Variants in NGEF observed in about 807,000 individuals in gnomAD.
NGEF encodes the protein neuronal guanine nucleotide exchange factor.
NGEF carries 31 observed loss-of-function variants against 80.9 expected under a neutral mutation model. The ratio of observed to expected loss-of-function variants is 0.38; its 90% confidence interval spans 0.29 to 0.52. The LOEUF (loss-of-function observed/expected upper bound fraction) is 0.52, where lower values mean the gene tolerates loss of function less well. NGEF is among the 20% of genes least tolerant of loss of function. The pLI, the probability that NGEF is intolerant of heterozygous loss-of-function variation, is 0.84. For missense variants in NGEF, 709 were observed against 926.2 expected, an observed-to-expected ratio of 0.77 and a Z score of 3.04; for synonymous variants, 371 against 370.2, an observed-to-expected ratio of 1.00 and a Z score of -0.03.
chr2:232,926,901 A>G, intron 4 of NGEF, 143 bp downstream of exon 4: 1 of 1,077,928 alleles, frequency 9.3e-7, no homozygotes, highest in Admixed American at 2.3e-5. Context: ...TTTAGAGCCA[A>G]ACATGTCAAA....
At chr2:232,889,938 C>A (rs1335224395) in intron 8 of NGEF, among the ~76,000 whole-genome samples, 1 of 151,876 alleles carries the variant, frequency 6.6e-6, no homozygotes, top group Non-Finnish European at 1.5e-5. Context: ...AGGGCCACAG[C>A]TGCACTCTAT....
In NGEF at chr2:232,920,502, T is replaced by G; in HGVS notation, c.610A>C (p.Asn204His). 2 of 1,600,714 alleles carry G rather than the reference T, an allele frequency of 1.2e-6. No individual in the cohort carries two copies. The highest frequency in any genetic ancestry group is 2.3e-5 in the East Asian group (1 of 44,290). ...RRQQDAEIED[N>H]TNGSPASEDT... ...TCACTGGCCGGGGACCCATTGGTATTGTCTTCTATTTCTGCATCCTGTTGC... is the reference window on the plus strand; with the variant it reads ...TCACTGGCCGGGGACCCATTGGTATGGTCTTCTATTTCTGCATCCTGTTGC... The change falls in exon 5 of 15, where the codon AAT (asparagine) becomes CAT (histidine). Residue 204 changes from asparagine to histidine, a missense_variant. This residue lies in a region of NGEF where 283 missense variants were observed against 303.4 expected (regional missense o/e 0.93). Coordinates refer to ENST00000264051, the MANE Select transcript of NGEF (RefSeq NM_019850.3).
At position 232,879,551 on chromosome 2, in the gene NGEF, C is replaced by A; in HGVS notation, c.2071G>T (p.Asp691Tyr). 1.2e-6 allele frequency: 2 copies of A among 1,613,868 alleles called. No individual in the cohort carries two copies. Among genetic ancestry groups the A allele is most frequent in the South Asian group, 2.2e-5 (2 of 91,084 alleles). Residue 691 changes from aspartate (D) to tyrosine (Y), a missense_variant, in exon 15 of 15, where the codon GAT becomes TAT. Asp to Tyr is a radical substitution (Grantham distance 160). Around this residue, in one of 2 missense-constraint regions of NGEF, gnomAD observed 426 missense variants for 622.9 expected, o/e 0.68. Coordinates refer to ENST00000264051, the MANE Select transcript of NGEF (RefSeq NM_019850.3). The part of the protein sequence containing the change: ...LKECFRVHKM[D>Y]DPQRSQNKDR... ...TTGTTCTGGCTGCGCTGAGGGTCAT[C>A]CATCTTGTGGACACGGAAACATTCC...
chr2:232,974,535 T>C (rs932806082), intron 2 of NGEF, 88 bp downstream of exon 2: 1 of 1,441,204 alleles, frequency 6.9e-7, no homozygotes, highest in African/African-American at 1.4e-5. Flanking sequence ...ATGCCACTTA[T>C]CCTTTCTCAT....
At chr2:232,971,003 C>T (rs767993622) in intron 2 of NGEF, among the ~76,000 whole-genome samples, 12 of 152,170 alleles carry the variant, frequency 7.9e-5, no homozygotes, top group Non-Finnish European at 1.8e-4. Context: ...TTTTTAGCAT[C>T]TAACAATTCC....
intron 3 of NGEF, among the ~76,000 whole-genome samples, chr2:232,962,024 A>C (rs989653840): frequency 2.0e-5 from 3 of 152,182 alleles, no homozygotes; most frequent in Non-Finnish European, 2.9e-5. Flanking sequence ...GATGGGCTTC[A>C]TCTCTTCTAC....
chr2:232,997,160 G>C (rs1226770462), intron 1 of NGEF, among the ~76,000 whole-genome samples: 1 of 152,238 alleles, frequency 6.6e-6, no homozygotes, highest in African/African-American at 2.4e-5. Context: ...TCACCAGGAG[G>C]GTTCATGCAC....
chr2:232,922,953 C>T (rs939577633), intron 4 of NGEF, among the ~76,000 whole-genome samples: 1 of 152,026 alleles, frequency 6.6e-6, no homozygotes, highest in African/African-American at 2.4e-5. Context: ...GCCTATAATC[C>T]CAGCTACTCG....
intron 1 of NGEF, among the ~76,000 whole-genome samples, chr2:232,978,929 G>T (rs533388757): frequency 7.9e-5 from 12 of 152,324 alleles, no homozygotes; most frequent in African/African-American, 2.9e-4. Flanking sequence ...TGCTGCCCAG[G>T]CTGGGTGTCT....
At chr2:232,963,808 A>C (rs750734777) in intron 3 of NGEF, among the ~76,000 whole-genome samples, 19 of 152,084 alleles carry the variant, frequency 1.2e-4, no homozygotes, top group Non-Finnish European at 2.5e-4. Flanking sequence ...GAGAGACTCC[A>C]TCTCAAAAAA....
intron 5 of NGEF, among the ~76,000 whole-genome samples, chr2:232,899,758 TCTCA>T (rs1174849172): frequency 3.7e-4 from 53 of 142,286 alleles, no homozygotes; most frequent in African/African-American, 1.3e-3. Context: ...ACACACGTGC[TCTCA>T]CAGTCACTCA....
At chr2:232,956,585 G>A (rs558176178) in intron 3 of NGEF, among the ~76,000 whole-genome samples, 2 of 152,168 alleles carry the variant, frequency 1.3e-5, no homozygotes, top group South Asian at 4.2e-4. Flanking sequence ...TGGCCAACAT[G>A]GCGAAACTCC....
chr2:232,898,394 C>T (rs1300672879), intron 5 of NGEF, among the ~76,000 whole-genome samples: 2 of 152,188 alleles, frequency 1.3e-5, no homozygotes, highest in Admixed American at 1.3e-4. Context: ...GCAGGTAGGG[C>T]CTTTCAGCTG....
At chr2:232,993,951 GA>G (rs1553559571) in intron 1 of NGEF, among the ~76,000 whole-genome samples, 1 of 152,180 alleles carries the variant, frequency 6.6e-6, no homozygotes, top group Non-Finnish European at 1.5e-5. Flanking sequence ...TGCAAATGGG[GA>G]TGGGATTTCT....
rs1694787722 is a variant in NGEF at position 232,995,363 on chromosome 2, C to CTG, written c.-75+17703_-75+17704dup. Reference sequence around the variant, plus strand: ...CTATATACAGTATGTATACTGTATACTGTATATATATACACAGTATGTATA... The same window carrying CTG: ...CTATATACAGTATGTATACTGTATACTGTGTATATATATACACAGTATGTATA... On this transcript the variant is annotated intron_variant, in intron 1 of 14. Transcript: ENST00000264051. Among the ~76,000 whole-genome samples, 6 of 9,626 alleles carry CTG rather than the reference C, an allele frequency of 6.2e-4. 3 individuals are homozygous for CTG. Among genetic ancestry groups the CTG allele is most frequent in the African/African-American group, 4.5e-3 (6 of 1,338 alleles). 6.3% of individuals were successfully genotyped at this position (9,626 alleles called of 152,430 possible). A position where few individuals can be genotyped will look rare whatever the true frequency, so the allele number is the denominator to read the frequency against.
intron 1 of NGEF, among the ~76,000 whole-genome samples, chr2:232,995,276 G>A (rs373180909): frequency 2.1e-4 from 5 of 24,318 alleles, no homozygotes; most frequent in African/African-American, 9.9e-4. Context: ...TGTATGCTGT[G>A]TACAGTATGT....
intron 2 of NGEF, 96 bp from the exon 3 acceptor site, chr2:232,970,424 G>T: frequency 1.3e-6 from 1 of 758,426 alleles, no homozygotes; most frequent in Non-Finnish European, 2.2e-6. Context: ...CAGTCATGCT[G>T]GAAGGTGGAG....
chr2:232,906,428 C>T lies in NGEF; in HGVS notation c.829-11512G>A, dbSNP rs1454806366. Among the ~76,000 whole-genome samples the T allele has an allele frequency of 2.7e-5, 3 of 109,604 alleles. 1 individual carries two copies. The highest frequency in any genetic ancestry group is 5.9e-5 in the Non-Finnish European group (3 of 50,444). 71.9% of individuals were successfully genotyped at this position (109,604 alleles called of 152,430 possible). A position where few individuals can be genotyped will look rare whatever the true frequency, so the allele number is the denominator to read the frequency against. The stretch of plus-strand genomic sequence containing the variant: ...CAGCCCCCCGCCCGGTCAGCCACCC[C>T]GTCTGGGAGGTGAGGGGCACCTCCC... On this transcript the variant is annotated intron_variant, in intron 5 of 14. Coordinates refer to ENST00000264051, the MANE Select transcript of NGEF (RefSeq NM_019850.3).
At chr2:233,011,651 G>A (rs993079999) in intron 1 of NGEF, among the ~76,000 whole-genome samples, 3 of 151,470 alleles carry the variant, frequency 2.0e-5, no homozygotes, top group Non-Finnish European at 4.4e-5. Context: ...GGAATGCAGT[G>A]ATATGATCAT....
Sources: allele counts gnomAD v4.1 joint callset (sites outside exome capture counted in the v4.1 genomes callset), GRCh38; gene constraint gnomAD v4.1.1; regional missense constraint gnomAD v4.1.1; transcripts MANE v1.5; gene names NCBI Gene and HGNC (gene_info 2026-07-23, HGNC 2026-07-21).